Variants in DPYD observed in about 807,000 individuals in gnomAD.
DPYD encodes the protein dihydropyrimidine dehydrogenase.
DPYD carries 109 observed loss-of-function variants against 116.2 expected under a neutral mutation model. The ratio of observed to expected loss-of-function variants is 0.94; its 90% CI spans 0.80 to 1.10. The LOEUF is 1.10. DPYD is among the 50% of genes least tolerant of loss of function. The pLI is 0.00. For missense variants in DPYD, 1,302 were observed against 1,254.5 expected (o/e 1.04, Z -0.57); for synonymous variants, 440 against 432.0 (o/e 1.02, Z -0.23).
chr1:97,481,268 C>G (rs1170589090), intron 13 of DPYD, among the ~76,000 whole-genome samples: 1 of 151,786 alleles, frequency 6.6e-6, no homozygotes, highest in Non-Finnish European at 1.5e-5. Context: ...GCCAATATGA[C>G]AAAAATTTTA....
chr1:97,374,706 G>T (rs1671502065), intron 15 of DPYD, among the ~76,000 whole-genome samples: 1 of 98,888 alleles, frequency 1.0e-5, no homozygotes, highest in Non-Finnish European at 1.8e-5. Flanking sequence ...GAAAGAGCAA[G>T]ACTCCGTCTC....
chr1:97,217,172 C>T (rs192417999), intron 19 of DPYD, among the ~76,000 whole-genome samples: 3 of 152,206 alleles, frequency 2.0e-5, no homozygotes, highest in Admixed American at 6.5e-5. Context: ...CATGCCACTG[C>T]ACTCCAGCCT....
intron 18 of DPYD, among the ~76,000 whole-genome samples, chr1:97,269,335 C>T (rs1200874953): frequency 6.6e-6 from 1 of 152,120 alleles, no homozygotes; most frequent in Non-Finnish European, 1.5e-5. Context: ...TTCTTCTGAG[C>T]CCTCACCAGA....
At chr1:97,724,140 A>G (rs974123801) in intron 4 of DPYD, among the ~76,000 whole-genome samples, 3 of 151,582 alleles carry the variant, frequency 2.0e-5, no homozygotes, top group African/African-American at 7.3e-5. Context: ...AAACTTCAAC[A>G]CCTTAATAAA....
At position 97,699,540 on chromosome 1, in the gene DPYD, T is replaced by G; in HGVS notation, c.491A>C (p.Lys164Thr). Reference sequence around the variant, plus strand: ...TCTGATCTGTGGGATACTCATTGCTTTGAATACCTACGGGGAAATCAATTG... The same window carrying G: ...TCTGATCTGTGGGATACTCATTGCTGTGAATACCTACGGGGAAATCAATTG... ...GLQQFATEVFKAMSIPQIRNP... is the reference protein window; with the variant it reads ...GLQQFATEVFTAMSIPQIRNP... Residue 164 changes from lysine (K) to threonine (T), a missense_variant, in exon 6 of 23, where the codon AAA becomes ACA. Coordinates refer to ENST00000370192, the MANE Select transcript of DPYD (RefSeq NM_000110.4). The G allele has an allele frequency of 6.2e-7, 1 of 1,613,462 alleles. No individual in the cohort carries two copies. Among genetic ancestry groups the G allele is most frequent in the Non-Finnish European group, 8.5e-7 (1 of 1,179,498 alleles).
At chr1:97,751,503 G>A (rs1261258616) in intron 3 of DPYD, among the ~76,000 whole-genome samples, 2 of 74,200 alleles carry the variant, frequency 2.7e-5, no homozygotes, top group Admixed American at 1.5e-4. Flanking sequence ...TATGGCAGGG[G>A]ACAGTGGCTC....
chr1:97,782,248 C>T (rs1666788674), intron 3 of DPYD, among the ~76,000 whole-genome samples: 1 of 152,212 alleles, frequency 6.6e-6, no homozygotes, highest in Admixed American at 6.5e-5. Context: ...GTTCACTTCA[C>T]ATTACATAAA....
At chr1:97,130,836 CTCCTTCCTTCCT>C (rs59350272) in intron 20 of DPYD, among the ~76,000 whole-genome samples, 1,194 of 64,646 alleles carry the variant, frequency 0.018, 13 homozygotes, top group South Asian at 0.075. Flanking sequence ...TTTCTTCTTT[CTCCTTCCTTCCT>C]TCCTTCCTTC....
rs148481631 is a variant in DPYD, at chr1:97,431,644, G to T, written c.1905+18415C>A. ...TTGATACAAGCATACAATGTGTAAT[G>T]ATCAAATCAGGGTAATTAGGATATC... On this transcript the variant is annotated intron_variant, in intron 14 of 22. Transcript: ENST00000370192. 5.9e-5 allele frequency among the ~76,000 whole-genome samples: 9 copies of T among 152,160 alleles called. No individual in the cohort carries two copies. The East Asian group carries it at 1.7e-3, about 29-fold the overall frequency.
intron 14 of DPYD, among the ~76,000 whole-genome samples, chr1:97,405,451 C>T (rs1291017426): frequency 6.6e-6 from 1 of 151,944 alleles, no homozygotes; most frequent in Admixed American, 6.6e-5. Context: ...AATAATTTTG[C>T]AGAGTATATA....
chr1:97,441,740 T>G (rs1263916457), intron 14 of DPYD, among the ~76,000 whole-genome samples: 1 of 152,210 alleles, frequency 6.6e-6, no homozygotes, highest in East Asian at 1.9e-4. Context: ...TTTTATTGAA[T>G]GCTGGATATT....
chr1:97,089,836 T>G (rs896440149), intron 21 of DPYD, among the ~76,000 whole-genome samples: 44 of 145,236 alleles, frequency 3.0e-4, no homozygotes, highest in Admixed American at 6.7e-4. Flanking sequence ...TGTTTTTTTT[T>G]TTTTTTTTTT....
At chr1:97,516,838 TTCTC>T (rs1225012958) in intron 12 of DPYD, among the ~76,000 whole-genome samples, 8 of 151,990 alleles carry the variant, frequency 5.3e-5, no homozygotes, top group East Asian at 1.9e-4. Flanking sequence ...CTCCCTCCCC[TTCTC>T]TCTCTCTATC....
rs531230053 is a variant in DPYD, at chr1:97,625,373, T to A, written c.851-30207A>T. Among the ~76,000 whole-genome samples the A allele has an allele frequency of 3.7e-4, 57 of 152,096 alleles. No individual in the cohort carries two copies. The South Asian group carries it at 0.011, about 30-fold the overall frequency. On this transcript the variant is annotated intron_variant, in intron 8 of 22. Coordinates refer to ENST00000370192, the MANE Select transcript of DPYD (RefSeq NM_000110.4). ...AAGAAAACACTGTTGTTTATAAGCATCTGGATTAGAGTAGTATCAGAGGCA... is the reference window on the plus strand; with the variant it reads ...AAGAAAACACTGTTGTTTATAAGCAACTGGATTAGAGTAGTATCAGAGGCA...
At chr1:97,689,638 T>C (rs1660909027) in intron 7 of DPYD, among the ~76,000 whole-genome samples, 1 of 152,008 alleles carries the variant, frequency 6.6e-6, no homozygotes, top group Non-Finnish European at 1.5e-5. Context: ...CAGGAAATTA[T>C]TTTTGACTTT....
At chr1:97,250,179 AG>A (rs1372843942) in intron 18 of DPYD, among the ~76,000 whole-genome samples, 1 of 152,158 alleles carries the variant, frequency 6.6e-6, no homozygotes, top group Non-Finnish European at 1.5e-5. Flanking sequence ...CTGAGGCAGG[AG>A]AATCGCGTGA....
chr1:97,353,501 T>C (rs1670253974), intron 16 of DPYD, among the ~76,000 whole-genome samples: 1 of 152,152 alleles, frequency 6.6e-6, no homozygotes, highest in Admixed American at 6.6e-5. Context: ...AGTTTCTTAA[T>C]CTGAAACTAC....
intron 20 of DPYD, among the ~76,000 whole-genome samples, chr1:97,118,953 G>A (rs1323243376): frequency 6.6e-6 from 1 of 152,024 alleles, no homozygotes; most frequent in African/African-American, 2.4e-5. Context: ...TAATGGAAGA[G>A]GATACAATAA....
chr1:97,599,465 G>A (rs1655109902), intron 8 of DPYD, among the ~76,000 whole-genome samples: 1 of 152,010 alleles, frequency 6.6e-6, no homozygotes, highest in South Asian at 2.1e-4. Flanking sequence ...CATAGCTATG[G>A]TAGGGCATGT....
Sources: gnomAD v4.1 joint callset for allele counts (sites outside exome capture counted in the v4.1 genomes callset) on GRCh38, gnomAD v4.1.1 for gene constraint, MANE v1.5 for transcripts, NCBI Gene and HGNC (gene_info 2026-07-23, HGNC 2026-07-21) for gene names.